The following ASNSD1 variants were observed in gnomAD, a reference collection of about 807,000 sequenced individuals.
The protein encoded by ASNSD1 is asparagine synthetase domain containing 1.
A neutral mutation model predicts 48.3 loss-of-function variants in ASNSD1; 36 were observed. The ratio of observed to expected loss-of-function variants is 0.75; its 90% confidence interval spans 0.57 to 0.99. The LOEUF (loss-of-function observed/expected upper bound fraction) is 0.99. Among genes scored for constraint, ASNSD1 ranks in the 50% least tolerant of loss-of-function variants. ASNSD1 has a pLI of 0.00. For synonymous variants in ASNSD1, 257 were observed against 262.1 expected (o/e 0.98, Z 0.19); for missense variants, 714 against 758.2 (o/e 0.94, Z 0.69).
intron 1 of ASNSD1, among the ~76,000 whole-genome samples, chr2:189,662,872 C>T (rs918835900): frequency 6.7e-6 from 1 of 148,818 alleles, no homozygotes; most frequent in Non-Finnish European, 1.5e-5. Context: ...CGCCTGAGCC[C>T]GGGAAGATCA....
rs1282004304 is a variant in ASNSD1, at chr2:189,667,912, A to T, written c.1613A>T (p.Asp538Val). ...RISSRNLGRD[D>V]RVIGDHGKEA... The stretch of plus-strand genomic sequence containing the variant: ...TCTTCTAGAAATCTTGGTCGTGATG[A>T]CAGAGTTATTGGTGATCATGGAAAA... The change falls in exon 5 of 6, where the codon GAC becomes GTC. Residue 538 changes from aspartate to valine, a missense_variant. Coordinates refer to ENST00000260952, the MANE Select transcript of ASNSD1 (RefSeq NM_019048.4). 3.7e-6 allele frequency: 6 copies of T among 1,613,254 alleles called. No individual in the cohort carries two copies. The highest frequency in any genetic ancestry group is 4.2e-6 in the Non-Finnish European group (5 of 1,179,840).
rs867373246 is a variant in ASNSD1 at position 189,665,636 on chromosome 2, A to G, written c.-93+185A>G. Among the ~76,000 whole-genome samples the G allele has an allele frequency of 7.2e-3, 799 of 110,374 alleles. 22 individuals carry two copies. Among genetic ancestry groups the G allele is most frequent in the African/African-American group, 0.025 (767 of 31,068 alleles). 72.4% of individuals were successfully genotyped at this position (110,374 alleles called of 152,430 possible). A position where few individuals can be genotyped will look rare whatever the true frequency, so the allele number is the denominator to read the frequency against. The stretch of plus-strand genomic sequence containing the variant: ...TATATATATATATATATATATATAT[A>G]TATATATATATTATAAATGTTTTAG... On this transcript the variant is annotated intron_variant, in intron 3 of 5. Coordinates refer to ENST00000260952, the MANE Select transcript of ASNSD1 (RefSeq NM_019048.4).
chr2:189,666,962 T>G lies in ASNSD1; in HGVS notation c.830T>G (p.Val277Gly). ...REILQVFLTD[V>G]HMKEVIQQFI... The stretch of plus-strand genomic sequence containing the variant: ...ATACTTCAAGTCTTTCTTACTGATG[T>G]ACACATGAAGGAAGTAATTCAGCAG... The change falls in exon 4 of 6, where the codon GTA becomes GGA. Residue 277 changes from valine (V) to glycine (G), a missense_variant. Coordinates refer to ENST00000260952, the MANE Select transcript of ASNSD1 (RefSeq NM_019048.4). 1 of 1,614,172 alleles carries G rather than the reference T, an allele frequency of 6.2e-7. No homozygotes were observed. The highest frequency in any genetic ancestry group is 1.1e-5 in the South Asian group (1 of 91,082).
chr2:189,665,118 G>A (rs1259050250), intron 2 of ASNSD1, among the ~76,000 whole-genome samples: 1 of 152,076 alleles, frequency 6.6e-6, no homozygotes, highest in African/African-American at 2.4e-5. Context: ...TCAATATATT[G>A]CTCATTGATA....
chr2:189,666,078 A>G lies in ASNSD1; in HGVS notation c.-55A>G. On this transcript the variant is annotated 5_prime_UTR_variant, in exon 4 of 6. The change creates a new upstream start codon in the 5' untranslated region. Transcript: ENST00000260952. Reference sequence around the variant, plus strand: ...AACTGAAAAAAGAATACCAAGAAATAGAAAACTTAGACAAGACCAAAATCA... The same window carrying G: ...AACTGAAAAAAGAATACCAAGAAATGGAAAACTTAGACAAGACCAAAATCA... The G allele has an allele frequency of 6.8e-7, 1 of 1,468,974 alleles. No individual in the cohort carries two copies. Among genetic ancestry groups the G allele is most frequent in the Middle Eastern group, 1.9e-4 (1 of 5,246 alleles). 91.0% of individuals were successfully genotyped at this position (1,468,974 alleles called of 1,614,324 possible).
At chr2:189,665,006 A>G (rs1053473421) in intron 2 of ASNSD1, among the ~76,000 whole-genome samples, 7 of 152,314 alleles carry the variant, frequency 4.6e-5, no homozygotes, top group Middle Eastern at 3.4e-3. Context: ...AAACTGTAAT[A>G]TATTATATCT....
At chr2:189,665,644 A>ATATATATG (rs1455945789) in intron 3 of ASNSD1, among the ~76,000 whole-genome samples, 193 bp downstream of exon 3, 8 of 123,748 alleles carry the variant, frequency 6.5e-5, no homozygotes, top group African/African-American at 2.7e-4. Context: ...ATATATATAT[A>ATATATATG]TATTATAAAT....
intron 3 of ASNSD1, among the ~76,000 whole-genome samples, 179 bp downstream of exon 3, chr2:189,665,630 A>ATATATGTG (rs2032781875): frequency 1.0e-5 from 1 of 97,550 alleles, no homozygotes; most frequent in Non-Finnish European, 2.2e-5. Context: ...ATATATATAT[A>ATATATGTG]TATATATATA....
At chr2:189,663,252 T>A (rs1024098603) in intron 1 of ASNSD1, among the ~76,000 whole-genome samples, 2 of 151,590 alleles carry the variant, frequency 1.3e-5, no homozygotes, top group African/African-American at 4.8e-5. Flanking sequence ...TTTTAAATTA[T>A]TTATTTATTT....
rs758229015 is a variant in ASNSD1 at position 189,667,818 on chromosome 2, C to T, written c.1519C>T (p.Arg507Cys). ...GCAACTTGCAGGTTATTCTCGTCAT[C>T]GTGTCCGCTTTCAGTCGCATGGGCT... is the stretch of plus-strand genomic sequence containing the variant. ...DEQLAGYSRH[R>C]VRFQSHGLEG... is the part of the protein sequence containing the mutation. The change falls in exon 5 of 6, where the codon CGT becomes TGT. Residue 507 changes from arginine (R) to cysteine (C), a missense_variant. Coordinates refer to ENST00000260952, the MANE Select transcript of ASNSD1 (RefSeq NM_019048.4). The T allele has an allele frequency of 3.1e-6, 5 of 1,613,892 alleles. No homozygotes were observed. Among genetic ancestry groups the T allele is most frequent in the African/African-American group, 1.3e-5 (1 of 74,880 alleles).
In ASNSD1 at chr2:189,665,635, T is replaced by C. The variant is rs1457654271; in HGVS notation, c.-93+184T>C. ...ATATATATATATATATATATATATA[T>C]ATATATATATATTATAAATGTTTTA... On this transcript the variant is annotated intron_variant, in intron 3 of 5. Coordinates refer to ENST00000260952, the MANE Select transcript of ASNSD1 (RefSeq NM_019048.4). Among the ~76,000 whole-genome samples, 27 of 102,180 alleles carry C rather than the reference T, an allele frequency of 2.6e-4. 1 individual carries two copies. The highest frequency in any genetic ancestry group is 8.9e-4 in the African/African-American group (27 of 30,412). 67.0% of individuals were successfully genotyped at this position (102,180 alleles called of 152,430 possible).
chr2:189,666,525 A>T lies in ASNSD1; in HGVS notation c.393A>T (p.Leu131Phe), dbSNP rs746917768. ...FIYYQASSHYLWFGRDFFGRR... is the reference protein window; with the variant it reads ...FIYYQASSHYFWFGRDFFGRR... ...ATTATCAAGCATCTAGTCATTATTT[A>T]TGGTTTGGTAGGGATTTTTTTGGTC... is the stretch of plus-strand genomic sequence containing the variant. The change falls in exon 4 of 6, where the codon TTA (leucine) becomes TTT (phenylalanine). Residue 131 changes from leucine to phenylalanine, a missense_variant. Coordinates refer to ENST00000260952, the MANE Select transcript of ASNSD1 (RefSeq NM_019048.4). 1.2e-6 allele frequency: 2 copies of T among 1,613,572 alleles called. No individual in the cohort carries two copies. Among genetic ancestry groups the T allele is most frequent in the Admixed American group, 1.7e-5 (1 of 59,908 alleles).
intron 1 of ASNSD1, 71 bp from the exon 2 acceptor site, chr2:189,663,830 C>A (rs79477010): frequency 0.037 from 13,514 of 365,386 alleles, 298 homozygotes; most frequent in South Asian, 0.071. Context: ...TTTAAAACAA[C>A]CCCTTAAGGG....
In ASNSD1 at chr2:189,665,427, A is replaced by G; in HGVS notation, c.-117A>G. On this transcript the variant is annotated 5_prime_UTR_variant, in exon 3 of 6. Transcript: ENST00000260952. ...CAATATATTCTTTCTTGCAGACCGA[A>G]CAGAAATGCTGTCTGAGAGCAAGAG... The G allele has an allele frequency of 2.5e-6, 1 of 397,754 alleles. No individual in the cohort carries two copies. The highest frequency in any genetic ancestry group is 4.4e-5 in the Admixed American group (1 of 22,672). The allele number at this position is 397,754 out of a possible 1,614,324, so 24.6% of individuals were successfully genotyped here.
chr2:189,665,620 A>ATG (rs1559034471), intron 3 of ASNSD1, among the ~76,000 whole-genome samples, 169 bp downstream of exon 3: 11 of 114,328 alleles, frequency 9.6e-5, no homozygotes, highest in African/African-American at 3.7e-4. Context: ...ATATATATAT[A>ATG]TATATATATA....
At chr2:189,663,690 C>A (rs1417894478) in intron 1 of ASNSD1, among the ~76,000 whole-genome samples, 1 of 152,204 alleles carries the variant, frequency 6.6e-6, no homozygotes, top group Admixed American at 6.5e-5. Flanking sequence ...AGTCTAATCA[C>A]TGTTTTTTCT....
rs2032752783 is a variant in ASNSD1, at chr2:189,664,978, AT to A, written c.-168-395del. ...GATGGTAACACCTTAAATGTCTAGT[AT>A]TTGAAGCTGAGCAAATAAACTGTAA... On this transcript the variant is annotated intron_variant, in intron 2 of 5. Transcript: ENST00000260952. 2.0e-5 allele frequency among the ~76,000 whole-genome samples: 3 copies of A among 152,346 alleles called. No individual in the cohort carries two copies. In the East Asian group the frequency reaches 5.8e-4, roughly 29 times the overall value.
At position 189,666,783 on chromosome 2, in the gene ASNSD1, A is replaced by G. The variant is rs1376041788; in HGVS notation, c.651A>G (p.Gln217=). The change falls in exon 4 of 6, where the codon CAA becomes CAG. Residue 217 remains glutamine (Q), a synonymous_variant. Transcript: ENST00000260952. ...AAGAAAATGTTAATAGCCTGAGTCA[A>G]ATTTCAGCAGACTTACCAGCATTTG... ...IIEENVNSLS[Q]ISADLPAFVS... is the part of the protein sequence containing the mutation. The G allele has an allele frequency of 6.2e-7, 1 of 1,614,052 alleles. No homozygotes were observed. The highest frequency in any genetic ancestry group is 8.5e-7 in the Non-Finnish European group (1 of 1,179,912).
At chr2:189,669,210 T>C (rs958325228) in intron 5 of ASNSD1, among the ~76,000 whole-genome samples, 2 of 152,244 alleles carry the variant, frequency 1.3e-5, no homozygotes, top group Non-Finnish European at 2.9e-5. Flanking sequence ...ATGTCATTAT[T>C]CTGTCATAAT....
Sources: allele counts gnomAD v4.1 joint callset (sites outside exome capture counted in the v4.1 genomes callset), GRCh38; gene constraint gnomAD v4.1.1; transcripts MANE v1.5; gene names NCBI Gene and HGNC (gene_info 2026-07-23, HGNC 2026-07-21).